TNRC6B: variants seen among roughly 807,000 people sequenced by gnomAD.
The protein encoded by TNRC6B is trinucleotide repeat-containing gene 6B protein.
TNRC6B carries 52 observed loss-of-function variants against 203.6 expected under a neutral mutation model. That is an observed-to-expected ratio of 0.26 (90% confidence interval 0.20 to 0.32). TNRC6B has a LOEUF of 0.32. Ranked by LOEUF, TNRC6B falls within the 10% of genes least tolerant of loss-of-function variation. The pLI is 1.00. For missense variants in TNRC6B, 1,923 were observed against 2,286.2 expected (o/e 0.84, Z 3.24); for synonymous variants, 838 against 845.7 (o/e 0.99, Z 0.16).
intron 1 of TNRC6B, among the ~76,000 whole-genome samples, chr22:40,209,622 G>C (rs1357843931): frequency 2.6e-5 from 4 of 152,196 alleles, no homozygotes; most frequent in Non-Finnish European, 5.9e-5. Context: ...AGGATCCCCT[G>C]CTGCAGTCAC....
intron 3 of TNRC6B, among the ~76,000 whole-genome samples, chr22:40,126,142 A>T (rs1335757272): frequency 6.6e-6 from 1 of 152,240 alleles, no homozygotes; most frequent in African/African-American, 2.4e-5. Flanking sequence ...CTATAGGCTT[A>T]TAAAAAATCA....
intron 1 of TNRC6B, among the ~76,000 whole-genome samples, chr22:40,195,985 G>C (rs1327679443): frequency 6.6e-6 from 1 of 151,700 alleles, no homozygotes; most frequent in Non-Finnish European, 1.5e-5. Flanking sequence ...CACCGTGTTA[G>C]CCAGTATGGT....
At chr22:40,147,446 G>T (rs2068705569) in intron 3 of TNRC6B, among the ~76,000 whole-genome samples, 1 of 152,134 alleles carries the variant, frequency 6.6e-6, no homozygotes, top group Admixed American at 6.6e-5. Context: ...ACTTTATAAA[G>T]AACAGAAATT....
intron 3 of TNRC6B, among the ~76,000 whole-genome samples, chr22:40,258,071 C>CTTTT (rs56078653): frequency 1.0e-4 from 3 of 28,710 alleles, no homozygotes; most frequent in Non-Finnish European, 1.9e-4. Flanking sequence ...GATACACAGC[C>CTTTT]TTTTTTTTTT....
chr22:40,279,830 C>A (rs1394029200), intron 9 of TNRC6B, among the ~76,000 whole-genome samples, 165 bp from the exon 10 acceptor site: 3 of 152,124 alleles, frequency 2.0e-5, no homozygotes, highest in Non-Finnish European at 2.9e-5. Flanking sequence ...GGGACAAACA[C>A]CAGCAGCCTG....
Position 40,265,845 on chromosome 22 carries a change from G to A in TNRC6B, c.1615G>A (p.Asp539Asn), listed in dbSNP as rs759716158. Residue 539 changes from aspartate to asparagine, a missense_variant, in exon 5 of 23, where the codon GAC becomes AAC. Around this residue, in one of 8 missense-constraint regions of TNRC6B, gnomAD observed 614 missense variants for 587.7 expected, o/e 1.04. Coordinates refer to ENST00000454349, the MANE Select transcript of TNRC6B (RefSeq NM_001162501.2). ...ACCAAATTCTAGCACTGGAGCATGG[G>A]ACAATCAAAAGGGCCACCCCCTCCC... Reference protein sequence around the residue: ...NQPNSSTGAWDNQKGHPLPEN... With the variant: ...NQPNSSTGAWNNQKGHPLPEN... 1 of 1,613,880 alleles carries A rather than the reference G, an allele frequency of 6.2e-7. No individual in the cohort carries two copies. The highest frequency in any genetic ancestry group is 2.2e-5 in the East Asian group (1 of 44,888).
At chr22:40,306,136 C>CA (rs889586756) in intron 15 of TNRC6B, among the ~76,000 whole-genome samples, 63 of 151,672 alleles carry the variant, frequency 4.2e-4, no homozygotes, top group African/African-American at 1.5e-3. Flanking sequence ...ACTAAAAATA[C>CA]AAAAAAAATC....
intron 1 of TNRC6B, among the ~76,000 whole-genome samples, chr22:40,099,896 G>A (rs1569259924): frequency 1.3e-5 from 2 of 151,672 alleles, no homozygotes; most frequent in South Asian, 2.1e-4. Context: ...GACTACAGGC[G>A]CCCGCCACCA....
In TNRC6B at chr22:40,126,580, ATTTTT is replaced by A. The variant is rs955369459; in HGVS notation, c.45+743_45+747del. 1.2e-4 allele frequency among the ~76,000 whole-genome samples: 11 copies of A among 88,774 alleles called. No individual in the cohort carries two copies. In the East Asian group the frequency reaches 2.1e-3, roughly 17 times the overall value. The allele number at this position is 88,774 out of a possible 152,430, so 58.2% of individuals were successfully genotyped here. A position where few individuals can be genotyped will look rare whatever the true frequency, so the allele number is the denominator to read the frequency against. On this transcript the variant is annotated intron_variant, in intron 3 of 23. Transcript: ENST00000301923. ...CTGTTGCTACAAAGGACGTTATTTA[ATTTTT>A]TTTTTTTTTTTTTTTTTTTTTTTTA...
At chr22:40,270,018 A>C (rs189649680) in intron 5 of TNRC6B, 104 bp from the exon 6 acceptor site, 1 of 1,131,786 alleles carries the variant, frequency 8.8e-7, no homozygotes, top group African/African-American at 1.6e-5. Context: ...TTACATTTCT[A>C]CCAACAGAAT....
At chr22:40,301,861 C>T (rs1198243748) in intron 15 of TNRC6B, among the ~76,000 whole-genome samples, 5 of 152,120 alleles carry the variant, frequency 3.3e-5, no homozygotes, top group African/African-American at 1.2e-4. Context: ...TCTTTCAATA[C>T]GTGTGTATGA....
chr22:40,231,450 A>G (rs930897647), intron 1 of TNRC6B, among the ~76,000 whole-genome samples: 2 of 152,214 alleles, frequency 1.3e-5, no homozygotes, highest in Admixed American at 6.5e-5. Flanking sequence ...TTCAGTGTAC[A>G]TATTCAGGAC....
chr22:40,203,289 C>T (rs896848180), intron 1 of TNRC6B, among the ~76,000 whole-genome samples: 1 of 152,092 alleles, frequency 6.6e-6, no homozygotes, highest in Admixed American at 6.5e-5. Context: ...GTCTGGCCCA[C>T]CCCCTTAATG....
intron 3 of TNRC6B, 102 bp from the exon 4 acceptor site, chr22:40,261,730 A>G: frequency 9.4e-7 from 1 of 1,064,982 alleles, no homozygotes. Context: ...GCAACATGGC[A>G]AGACCCCATC....
At chr22:40,298,091 C>A (rs1361932403) in intron 12 of TNRC6B, among the ~76,000 whole-genome samples, 4 of 151,794 alleles carry the variant, frequency 2.6e-5, no homozygotes, top group Non-Finnish European at 5.9e-5. Context: ...CGCCACTGCA[C>A]TCCAGCCTGA....
chr22:40,129,853 T>G lies in TNRC6B; in HGVS notation c.45+3991T>G, dbSNP rs182560453. Among the ~76,000 whole-genome samples the G allele has an allele frequency of 9.9e-4, 150 of 152,284 alleles. 1 individual carries two copies. The highest frequency in any genetic ancestry group is 1.5e-3 in the Non-Finnish European group (104 of 68,022). ...CAGAATGTTGGCAACTATTGAAGTG[T>G]TGTGATGGGTACATAGGAGTTTATT... On this transcript the variant is annotated intron_variant, in intron 3 of 23. Coordinates refer to the TNRC6B transcript ENST00000301923.
At chr22:40,134,600 G>T (rs1040692929) in intron 3 of TNRC6B, among the ~76,000 whole-genome samples, 2 of 152,184 alleles carry the variant, frequency 1.3e-5, no homozygotes, top group African/African-American at 2.4e-5. Context: ...AGCATTAGGA[G>T]AAATACCTAA....
At chr22:40,319,429 T>C (rs1481843977) in intron 21 of TNRC6B, among the ~76,000 whole-genome samples, 2 of 149,674 alleles carry the variant, frequency 1.3e-5, no homozygotes, top group African/African-American at 4.9e-5. Context: ...TTTCTTTTTT[T>C]TTTTTTTTTT....
intron 3 of TNRC6B, among the ~76,000 whole-genome samples, chr22:40,133,462 G>A (rs1568993232): frequency 6.6e-6 from 1 of 152,112 alleles, no homozygotes. Flanking sequence ...ACCTAGTTGA[G>A]GGAGGTAACC....
Sources: gnomAD v4.1 joint callset for allele counts (sites outside exome capture counted in the v4.1 genomes callset) on GRCh38, gnomAD v4.1.1 for gene constraint, gnomAD v4.1.1 regional missense constraint, MANE v1.5 for transcripts, NCBI Gene and HGNC (gene_info 2026-07-23, HGNC 2026-07-21) for gene names.